Variants in GNE observed in about 807,000 individuals in gnomAD.
GNE encodes the protein glucosamine (UDP-N-acetyl)-2-epimerase/N-acetylmannosamine kinase, also known as bifunctional UDP-N-acetylglucosamine 2-epimerase/N-acetylmannosamine kinase.
In GNE, 41 loss-of-function variants were observed where a neutral mutation model predicts 61.8. That is an observed-to-expected ratio of 0.66 (90% CI 0.52 to 0.86). The LOEUF is 0.86. Among genes scored for constraint, GNE ranks in the 40% least tolerant of loss-of-function variants. The pLI, the probability that GNE is intolerant of heterozygous loss-of-function variation, is 0.00. For synonymous variants in GNE, 264 were observed against 326.4 expected (o/e 0.81, Z 2.06); for missense variants, 608 against 909.1 (o/e 0.67, Z 4.26).
Position 36,229,068 on chromosome 9 carries a change from G to A in GNE, c.1023C>T (p.Asp341=), listed in dbSNP as rs768446059. The change falls in exon 6 of 12, where the codon GAC becomes GAT. Residue 341 remains aspartate, a synonymous_variant. Transcript: ENST00000642385. ...VLHVRDADTQ[D]KILQALHLQF... is the part of the protein sequence containing the mutation. Reference sequence around the variant, plus strand: ...GAAGGTGCAGTGCTTGCAATATTTTGTCTTGGGTGTCAGCATCCCGGACAT... The same window carrying A: ...GAAGGTGCAGTGCTTGCAATATTTTATCTTGGGTGTCAGCATCCCGGACAT... 2 of 1,611,244 alleles carry A rather than the reference G, an allele frequency of 1.2e-6. No homozygotes were observed. The highest frequency in any genetic ancestry group is 2.2e-5 in the South Asian group (2 of 91,022).
At chr9:36,267,502 G>C (rs1019600433) in intron 1 of GNE, among the ~76,000 whole-genome samples, 3 of 152,008 alleles carry the variant, frequency 2.0e-5, no homozygotes, top group East Asian at 1.9e-4. Flanking sequence ...TTTGAGACCA[G>C]CCTGGCCAAC....
At chr9:36,269,701 G>T (rs1214651179) in intron 1 of GNE, among the ~76,000 whole-genome samples, 2 of 129,038 alleles carry the variant, frequency 1.5e-5, no homozygotes, top group Non-Finnish European at 3.1e-5. Flanking sequence ...TCGCTCTGTC[G>T]CCCAGGCTGG....
At chr9:36,245,910 C>T (rs1587338709) in intron 3 of GNE, 121 bp downstream of exon 3, 2 of 770,054 alleles carry the variant, frequency 2.6e-6, no homozygotes, top group Non-Finnish European at 4.3e-6. Flanking sequence ...TGAACTAAAA[C>T]CTTGGCCTTC....
At chr9:36,257,186 A>G (rs1441739732) in intron 1 of GNE, among the ~76,000 whole-genome samples, 2 of 152,216 alleles carry the variant, frequency 1.3e-5, no homozygotes. Flanking sequence ...TTCAGCGCTC[A>G]GAACACTGTC....
rs779967033 is a variant in GNE at position 36,217,422 on chromosome 9, G to A, written c.2112C>T (p.Pro704=). The A allele has an allele frequency of 2.7e-5, 44 of 1,613,936 alleles. No homozygotes were observed. Among genetic ancestry groups the A allele is most frequent in the East Asian group, 1.8e-4 (8 of 44,896 alleles). The stretch of plus-strand genomic sequence containing the variant: ...CCATGCTGGCAGCACCCAGCAGGGC[G>A]GGGTCAACCAAATCCGAAACCACCA... ...VDVVVSDLVD[P]ALLGAASMVL... The change falls in exon 12 of 12, where the codon CCC becomes CCT. Residue 704 remains proline (P), a synonymous_variant. Transcript: ENST00000642385.
intron 7 of GNE, among the ~76,000 whole-genome samples, chr9:36,225,733 G>C (rs1828831552): frequency 6.6e-6 from 1 of 152,150 alleles, no homozygotes; most frequent in Non-Finnish European, 1.5e-5. Flanking sequence ...TTTAAGCCCA[G>C]GACCTTGAGT....
At position 36,230,951 on chromosome 9, in the gene GNE, T is replaced by G. The variant is rs753927746; in HGVS notation, c.983-1843A>C. The stretch of plus-strand genomic sequence containing the variant: ...CATTATCTTCAATATCTTTTCTTCA[T>G]ACTAGAAACAGAATTTTTAGCCAGG... On this transcript the variant is annotated intron_variant, in intron 5 of 11. Transcript: ENST00000642385. Among the ~76,000 whole-genome samples the G allele has an allele frequency of 9.2e-5, 14 of 151,384 alleles. No homozygotes were observed. The South Asian group carries it at 1.9e-3, about 20-fold the overall frequency.
At chr9:36,236,496 G>A (rs1032222014) in intron 4 of GNE, among the ~76,000 whole-genome samples, 2 of 152,118 alleles carry the variant, frequency 1.3e-5, no homozygotes, top group African/African-American at 2.4e-5. Flanking sequence ...CACCGTGCCC[G>A]ACCATCTTTC....
intron 3 of GNE, among the ~76,000 whole-genome samples, chr9:36,242,739 T>C (rs1829695846): frequency 2.1e-5 from 3 of 143,414 alleles, no homozygotes; most frequent in African/African-American, 7.8e-5. Flanking sequence ...CTTGTTTTTT[T>C]TTTTTTTTTT....
intron 5 of GNE, among the ~76,000 whole-genome samples, chr9:36,230,371 C>T (rs141455782): frequency 6.6e-6 from 1 of 152,198 alleles, no homozygotes; most frequent in African/African-American, 2.4e-5. Flanking sequence ...CCTCTTCAGT[C>T]TTCCTTGCTG....
In GNE at chr9:36,276,962, G is replaced by C; in HGVS notation, c.-18C>G. On this transcript the variant is annotated 5_prime_UTR_variant, in exon 1 of 12. Transcript: ENST00000396594. ...GTTTCCATCCCGAAGCACGAGCTCT[G>C]TACCCTAGTGTGGTTTGAAATAATG... 1.9e-6 allele frequency: 3 copies of C among 1,613,018 alleles called. No homozygotes were observed. In the South Asian group the frequency reaches 3.3e-5, roughly 18 times the overall value.
intron 2 of GNE, among the ~76,000 whole-genome samples, chr9:36,247,259 G>T (rs950890964): frequency 2.0e-5 from 3 of 151,980 alleles, no homozygotes; most frequent in Admixed American, 6.6e-5. Context: ...GTTTCACCAT[G>T]TTGGCCAGGA....
chr9:36,231,066 T>TAAAAAAAAAAA (rs529903965), intron 5 of GNE, among the ~76,000 whole-genome samples: 2 of 68,350 alleles, frequency 2.9e-5, no homozygotes, highest in African/African-American at 9.1e-5. Context: ...ACTGCTTCAC[T>TAAAAAAAAAAA]AAAAAAAAAA....
chr9:36,233,758 G>C, intron 5 of GNE, 162 bp downstream of exon 5: 2 of 734,624 alleles, frequency 2.7e-6, no homozygotes, highest in South Asian at 2.8e-5. Flanking sequence ...GGTAATCACT[G>C]TGTGCTATTT....
chr9:36,242,600 A>T (rs1829682975), intron 3 of GNE, among the ~76,000 whole-genome samples: 1 of 151,980 alleles, frequency 6.6e-6, no homozygotes, highest in Admixed American at 6.6e-5. Flanking sequence ...TTGTATTTTT[A>T]GTAGAGATGG....
At chr9:36,226,981 T>C (rs1458201468) in intron 7 of GNE, among the ~76,000 whole-genome samples, 1 of 152,170 alleles carries the variant, frequency 6.6e-6, no homozygotes, top group Admixed American at 6.5e-5. Context: ...GTCTTTTGGG[T>C]GGCAAAAGCC....
At chr9:36,257,790 G>A (rs993602427) in intron 1 of GNE, among the ~76,000 whole-genome samples, 1 of 90,450 alleles carries the variant, frequency 1.1e-5, no homozygotes, top group African/African-American at 5.3e-5. Flanking sequence ...GCGACAGAGC[G>A]AGACTCAGTC....
At chr9:36,243,498 G>A (rs1258312105) in intron 3 of GNE, among the ~76,000 whole-genome samples, 1 of 152,162 alleles carries the variant, frequency 6.6e-6, no homozygotes, top group Non-Finnish European at 1.5e-5. Context: ...TGTTCCACCA[G>A]CATTATCTAG....
intron 1 of GNE, chr9:36,265,158 G>A: frequency 3.3e-6 from 1 of 303,140 alleles, no homozygotes; most frequent in Non-Finnish European, 6.6e-6. Flanking sequence ...TTCCTGCACG[G>A]CAAGTGCCTG....
Sources: gnomAD v4.1 joint callset for allele counts (sites outside exome capture counted in the v4.1 genomes callset) on GRCh38, gnomAD v4.1.1 for gene constraint, MANE v1.5 for transcripts, NCBI Gene and HGNC (gene_info 2026-07-23, HGNC 2026-07-21) for gene names.